CNTNAP2: variants seen among roughly 807,000 people sequenced by gnomAD.
CNTNAP2 encodes the protein contactin associated protein 2.
Under a neutral mutation model 155.2 loss-of-function variants are expected in CNTNAP2, and 98 were observed. The observed-to-expected ratio is 0.63, with a 90% CI of 0.54 to 0.75. The LOEUF (loss-of-function observed/expected upper bound fraction) is 0.75. Among genes scored for constraint, CNTNAP2 ranks in the 30% least tolerant of loss-of-function variants. The pLI is 0.00. For synonymous variants in CNTNAP2, 651 were observed against 631.2 expected (o/e 1.03, Z -0.47); for missense variants, 1,727 against 1,688.1 (o/e 1.02, Z -0.40).
At chr7:147,045,889 T>TAC (rs1264869863) in intron 4 of CNTNAP2, among the ~76,000 whole-genome samples, 4 of 151,958 alleles carry the variant, frequency 2.6e-5, no homozygotes, top group African/African-American at 7.3e-5. Context: ...TATATATATA[T>TAC]ATAATCCTTC....
chr7:147,380,989 G>GT (rs1796525471), intron 9 of CNTNAP2, among the ~76,000 whole-genome samples: 1 of 150,428 alleles, frequency 6.6e-6, no homozygotes. Context: ...GTTTTTTTTT[G>GT]TTTTTTAAAT....
At chr7:147,171,083 A>G (rs922235549) in intron 8 of CNTNAP2, among the ~76,000 whole-genome samples, 6 of 152,160 alleles carry the variant, frequency 3.9e-5, no homozygotes, top group Admixed American at 6.5e-5. Context: ...TGCCCCTGCC[A>G]GCTCAAACAT....
At chr7:148,053,360 A>G (rs905057966) in intron 15 of CNTNAP2, among the ~76,000 whole-genome samples, 12 of 152,216 alleles carry the variant, frequency 7.9e-5, no homozygotes, top group Non-Finnish European at 5.9e-5. Context: ...TTAATCTGCT[A>G]TCTTACCTTT....
chr7:147,719,710 A>G (rs755304869), intron 13 of CNTNAP2, among the ~76,000 whole-genome samples: 9 of 152,154 alleles, frequency 5.9e-5, no homozygotes, highest in Non-Finnish European at 1.2e-4. Flanking sequence ...GAATAATATT[A>G]AAAACAAGAG....
intron 6 of CNTNAP2, chr7:147,121,740 AT>A (rs1202385394): frequency 6.6e-6 from 1 of 152,538 alleles, no homozygotes; most frequent in East Asian, 1.9e-4. Flanking sequence ...GAGATTAAAA[AT>A]AATCAATGAT....
At chr7:147,926,625 A>G (rs1197188528) in intron 14 of CNTNAP2, among the ~76,000 whole-genome samples, 3 of 152,236 alleles carry the variant, frequency 2.0e-5, no homozygotes, top group African/African-American at 4.8e-5. Context: ...ATTGACTGGT[A>G]TACAGATTAC....
chr7:148,126,300 C>T (rs953603842), intron 16 of CNTNAP2, among the ~76,000 whole-genome samples: 2 of 152,128 alleles, frequency 1.3e-5, no homozygotes, highest in Non-Finnish European at 2.9e-5. Flanking sequence ...CCAGGGTCAC[C>T]ACAATGCCTG....
At chr7:147,758,503 G>A (rs1797250373) in intron 13 of CNTNAP2, among the ~76,000 whole-genome samples, 1 of 152,176 alleles carries the variant, frequency 6.6e-6, no homozygotes, top group South Asian at 2.1e-4. Context: ...GGGGTAGGGA[G>A]AGGTGACGTA....
At chr7:146,480,088 C>T (rs1027881476) in intron 1 of CNTNAP2, among the ~76,000 whole-genome samples, 1 of 152,090 alleles carries the variant, frequency 6.6e-6, no homozygotes, top group East Asian at 1.9e-4. Flanking sequence ...CCTGGTTTTT[C>T]CACCAAAGTA....
intron 1 of CNTNAP2, among the ~76,000 whole-genome samples, chr7:146,680,033 G>A (rs914683908): frequency 6.6e-6 from 1 of 152,092 alleles, no homozygotes; most frequent in Non-Finnish European, 1.5e-5. Flanking sequence ...AACATGTTAT[G>A]TGTCAGAAAC....
At chr7:148,020,852 G>T (rs1318221158) in intron 15 of CNTNAP2, among the ~76,000 whole-genome samples, 1 of 152,136 alleles carries the variant, frequency 6.6e-6, no homozygotes, top group Non-Finnish European at 1.5e-5. Flanking sequence ...TGACTTGAAT[G>T]CTACCGTAAT....
chr7:148,007,865 C>T (rs1344987158), intron 15 of CNTNAP2, among the ~76,000 whole-genome samples: 1 of 152,132 alleles, frequency 6.6e-6, no homozygotes, highest in Non-Finnish European at 1.5e-5. Context: ...TCTTCTATGG[C>T]TCCTGGCCTA....
rs28477368 is a variant in CNTNAP2, at chr7:147,224,607, C to A, written c.1349-75534C>A. 4.3e-4 allele frequency among the ~76,000 whole-genome samples: 66 copies of A among 151,844 alleles called. No homozygotes were observed. In the South Asian group the frequency reaches 0.014, roughly 31 times the overall value. ...AGTAAAGCAGAATATTATTAAGAAA[C>A]CTTTAGTTAGAATTTTTAAATTAGA... On this transcript the variant is annotated intron_variant, in intron 8 of 23. Coordinates refer to ENST00000361727, the MANE Select transcript of CNTNAP2 (RefSeq NM_014141.6).
chr7:147,786,751 T>G (rs919770796), intron 13 of CNTNAP2, among the ~76,000 whole-genome samples: 14 of 152,056 alleles, frequency 9.2e-5, no homozygotes, highest in Non-Finnish European at 1.6e-4. Flanking sequence ...GAGGATCACT[T>G]GAGGCCAGGA....
At chr7:148,030,191 C>A (rs1487816073) in intron 15 of CNTNAP2, among the ~76,000 whole-genome samples, 1 of 152,188 alleles carries the variant, frequency 6.6e-6, no homozygotes, top group African/African-American at 2.4e-5. Flanking sequence ...TCTTAATCCT[C>A]TTTTGACCTC....
intron 2 of CNTNAP2, among the ~76,000 whole-genome samples, chr7:146,818,099 GTTTT>G (rs967476712): frequency 5.3e-5 from 8 of 151,954 alleles, no homozygotes; most frequent in Admixed American, 1.3e-4. Flanking sequence ...TGTTTATAGT[GTTTT>G]TTCTCAAATT....
intron 4 of CNTNAP2, among the ~76,000 whole-genome samples, chr7:147,086,743 A>T (rs887587961): frequency 6.6e-6 from 1 of 152,168 alleles, no homozygotes; most frequent in South Asian, 2.1e-4. Context: ...GCCATACAGA[A>T]GATACATAAT....
intron 14 of CNTNAP2, among the ~76,000 whole-genome samples, chr7:147,961,425 A>C (rs557487647): frequency 1.3e-5 from 2 of 152,290 alleles, no homozygotes; most frequent in South Asian, 4.1e-4. Flanking sequence ...AAGATGATCA[A>C]AAGATATACG....
At chr7:147,050,082 G>A (rs992900557) in intron 4 of CNTNAP2, among the ~76,000 whole-genome samples, 1 of 152,044 alleles carries the variant, frequency 6.6e-6, no homozygotes, top group Non-Finnish European at 1.5e-5. Flanking sequence ...CTCTACGTTT[G>A]GTTTTCCCTC....
Sources: allele counts gnomAD v4.1 joint callset (sites outside exome capture counted in the v4.1 genomes callset), GRCh38; gene constraint gnomAD v4.1.1; transcripts MANE v1.5; gene names NCBI Gene and HGNC (gene_info 2026-07-23, HGNC 2026-07-21).